The following MAP3K13 variants were observed in gnomAD, a reference collection of about 807,000 sequenced individuals.
MAP3K13 encodes the protein leucine zipper-bearing kinase.
In MAP3K13, 52 loss-of-function variants were observed where a neutral mutation model predicts 104.0. The observed-to-expected ratio is 0.50, with a 90% CI of 0.40 to 0.63. The LOEUF is 0.63. Ranked by LOEUF, MAP3K13 falls within the 20% of genes least tolerant of loss-of-function variation. MAP3K13 has a pLI of 0.00. For missense variants in MAP3K13, 914 were observed against 1,218.5 expected (o/e 0.75, Z 3.72); for synonymous variants, 394 against 442.2 (o/e 0.89, Z 1.37).
At chr3:185,303,046 G>A (rs551688399) in intron 2 of MAP3K13, among the ~76,000 whole-genome samples, 1 of 152,252 alleles carries the variant, frequency 6.6e-6, no homozygotes, top group African/African-American at 2.4e-5. Flanking sequence ...TATCATGAAA[G>A]GAGATTGAAG....
intron 7 of MAP3K13, among the ~76,000 whole-genome samples, chr3:185,455,019 T>G (rs796730876): frequency 1.1e-4 from 12 of 106,240 alleles, no homozygotes; most frequent in African/African-American, 3.7e-4. Flanking sequence ...ATATATATGA[T>G]ATATATGAGA....
intron 2 of MAP3K13, chr3:185,291,756 C>A: frequency 6.7e-7 from 1 of 1,482,914 alleles, no homozygotes. Context: ...AACCCTCTCA[C>A]AAAAGTACAA....
Position 185,473,521 on chromosome 3 carries a change from C to T in MAP3K13, c.2190C>T (p.Asp730=). The part of the protein sequence containing the change: ...PWGCCQADAY[D]PCLQCRPEQY... ...GCTGTTGCCAGGCTGACGCTTATGA[C>T]CCCTGCCTTCAGTGCAGGCCAGAAC... The change falls in exon 11 of 14, where the codon GAC becomes GAT. Residue 730 remains aspartate (D), a synonymous_variant. Coordinates refer to ENST00000265026, the MANE Select transcript of MAP3K13 (RefSeq NM_004721.5). The surrounding 1 kb of genome is among the most constrained non-coding windows in gnomAD (Gnocchi z 4.9). The T allele has an allele frequency of 6.2e-7, 1 of 1,614,196 alleles. No individual in the cohort carries two copies. Among genetic ancestry groups the T allele is most frequent in the South Asian group, 1.1e-5 (1 of 91,084 alleles).
rs1414614556 is a variant in MAP3K13 at position 185,449,897 on chromosome 3, T to C, written c.1011-3T>C. On this transcript the variant is annotated splice_polypyrimidine_tract_variant and splice_region_variant and intron_variant, in intron 5 of 13. Coordinates refer to ENST00000265026, the MANE Select transcript of MAP3K13 (RefSeq NM_004721.5). ...TCTGTCCATGTTCCCGGCGCTACTG[T>C]AGGTCTTTTGGAGTGGTGCTTTGGG... 2 of 1,604,206 alleles carry C rather than the reference T, an allele frequency of 1.2e-6. No homozygotes were observed. The highest frequency in any genetic ancestry group is 1.1e-5 in the South Asian group (1 of 89,100).
intron 10 of MAP3K13, among the ~76,000 whole-genome samples, chr3:185,470,871 A>G (rs545514276): frequency 6.6e-6 from 1 of 152,364 alleles, no homozygotes; most frequent in South Asian, 2.1e-4. Context: ...AGGTTAAGAT[A>G]GTTTTGTAAG....
At chr3:185,323,225 G>T (rs1328904350) in intron 2 of MAP3K13, among the ~76,000 whole-genome samples, 2 of 151,800 alleles carry the variant, frequency 1.3e-5, no homozygotes, top group Non-Finnish European at 2.9e-5. Flanking sequence ...ATTGGTACAT[G>T]ACTATTAACT....
chr3:185,425,676 C>T lies in MAP3K13; in HGVS notation c.-85-2821C>T, dbSNP rs564026983. On this transcript the variant is annotated intron_variant, in intron 1 of 13. Coordinates refer to ENST00000265026, the MANE Select transcript of MAP3K13 (RefSeq NM_004721.5). ...ATAAAACCCCAAAGATTTAGCTTGT[C>T]ATACAGGCCTACCATAATCTAGCCT... is the stretch of plus-strand genomic sequence containing the variant. Among the ~76,000 whole-genome samples, 29 of 152,276 alleles carry T rather than the reference C, an allele frequency of 1.9e-4. 2 individuals carry two copies. In the South Asian group the frequency reaches 5.6e-3, roughly 29 times the overall value.
chr3:185,486,904 G>C lies in MAP3K13; in HGVS notation c.*4448G>C, dbSNP rs1303153313. On this transcript the variant is annotated 3_prime_UTR_variant, in exon 14 of 14. Transcript: ENST00000265026. ...GTTTAGACCTGTTTGCAAGATGGTG[G>C]GGAGCTCCTACTGAGAAAGATGAAG... 2 of 152,146 alleles carry C rather than the reference G, an allele frequency of 1.3e-5. No individual in the cohort carries two copies. Among genetic ancestry groups the C allele is most frequent in the African/African-American group, 4.8e-5 (2 of 41,418 alleles). 9.4% of individuals were successfully genotyped at this position (152,146 alleles called of 1,614,324 possible). A position where few individuals can be genotyped will look rare whatever the true frequency, so the allele number is the denominator to read the frequency against.
At chr3:185,366,872 AT>A (rs1723914675) in intron 1 of MAP3K13, among the ~76,000 whole-genome samples, 1 of 152,170 alleles carries the variant, frequency 6.6e-6, no homozygotes, top group Non-Finnish European at 1.5e-5. Context: ...ATTTTCTCTC[AT>A]TCCATAGGTT....
At chr3:185,309,166 ATC>A (rs1721408191) in intron 2 of MAP3K13, among the ~76,000 whole-genome samples, 1 of 152,114 alleles carries the variant, frequency 6.6e-6, no homozygotes, top group Non-Finnish European at 1.5e-5. Context: ...GCTTTAACTT[ATC>A]TTTTAGGGGT....
intron 1 of MAP3K13, among the ~76,000 whole-genome samples, chr3:185,381,476 A>G (rs1724719084): frequency 6.6e-6 from 1 of 152,214 alleles, no homozygotes; most frequent in Admixed American, 6.5e-5. Context: ...CATGCACACA[A>G]CAGCAAAAAA....
intron 2 of MAP3K13, among the ~76,000 whole-genome samples, chr3:185,331,786 A>G (rs1421727762): frequency 2.0e-5 from 3 of 152,196 alleles, no homozygotes; most frequent in African/African-American, 7.2e-5. Flanking sequence ...AACCACGGCT[A>G]TTATTTTTCC....
intron 11 of MAP3K13, chr3:185,477,058 T>C: frequency 1.0e-5 from 6 of 587,122 alleles, no homozygotes; most frequent in South Asian, 7.6e-5. Flanking sequence ...GACACTTTAA[T>C]AGAGCCATCA....
At chr3:185,361,777 C>G (rs114292663), upstream of MAP3K13, among the ~76,000 whole-genome samples, 1,039 of 152,302 alleles carry the variant, frequency 6.8e-3, 16 homozygotes, top group African/African-American at 0.023. Flanking sequence ...TTGAGCACTC[C>G]CATGTTACAT....
At chr3:185,387,414 G>A (rs1029253170) in intron 1 of MAP3K13, among the ~76,000 whole-genome samples, 10 of 152,014 alleles carry the variant, frequency 6.6e-5, no homozygotes, top group Non-Finnish European at 1.3e-4. Context: ...GCTTTCCACC[G>A]TGAGTGGAAG....
Position 185,418,387 on chromosome 3 carries a change from G to A in MAP3K13, c.-85-10110G>A. On this transcript the variant is annotated intron_variant, in intron 1 of 13. Transcript: ENST00000265026. The surrounding 1 kb of genome is among the most constrained non-coding windows in gnomAD (Gnocchi z 4.5). The stretch of plus-strand genomic sequence containing the variant: ...AGACATGACCAGTGCTGGTAGGGCT[G>A]AGGCAGCCAGGGCAGAACAGATGGC... 2 of 1,605,022 alleles carry A rather than the reference G, an allele frequency of 1.2e-6. No homozygotes were observed. Among genetic ancestry groups the A allele is most frequent in the South Asian group, 1.1e-5 (1 of 90,858 alleles).
chr3:185,317,708 C>T (rs909489127), intron 2 of MAP3K13, among the ~76,000 whole-genome samples: 2 of 152,084 alleles, frequency 1.3e-5, no homozygotes, highest in Non-Finnish European at 2.9e-5. Flanking sequence ...GACCCTACAT[C>T]GTGATAATGT....
At chr3:185,292,816 A>G in intron 2 of MAP3K13, 2 of 985,238 alleles carry the variant, frequency 2.0e-6, no homozygotes, top group South Asian at 4.7e-5. Flanking sequence ...GCACGAATAT[A>G]TATTCCCCTA....
At chr3:185,338,389 T>C (rs954786665) in intron 2 of MAP3K13, among the ~76,000 whole-genome samples, 2 of 148,294 alleles carry the variant, frequency 1.3e-5, no homozygotes, top group Non-Finnish European at 3.0e-5. Flanking sequence ...TTTAAGAAAC[T>C]GTAAAAAAGA....
Sources: allele counts gnomAD v4.1 joint callset (sites outside exome capture counted in the v4.1 genomes callset), GRCh38; gene constraint gnomAD v4.1.1; non-coding constraint Gnocchi (gnomAD v3.1); transcripts MANE v1.5; gene names NCBI Gene and HGNC (gene_info 2026-07-23, HGNC 2026-07-21).